Variants in SLC22A14 observed in about 807,000 individuals in gnomAD.
The protein encoded by SLC22A14 is organic cation transporter-like 4.
Under a neutral mutation model 53.9 loss-of-function variants are expected in SLC22A14, and 50 were observed. The observed-to-expected ratio is 0.93, with a 90% CI of 0.74 to 1.17. The LOEUF (loss-of-function observed/expected upper bound fraction) is 1.17, where lower values mean the gene tolerates loss of function less well. Ranked by LOEUF, SLC22A14 falls within the 50% of genes most tolerant of loss-of-function variation. The pLI, the probability that SLC22A14 is intolerant of heterozygous loss-of-function variation, is 0.00. For missense variants in SLC22A14, 671 were observed against 734.7 expected (o/e 0.91, Z 1.00); for synonymous variants, 312 against 303.0 (o/e 1.03, Z -0.31).
In SLC22A14 at chr3:38,307,758, CAG is replaced by C. The variant is rs758128590; in HGVS notation, c.775+39_775+40del. ...CTCAATGGGGCAGGGCAGGGTGGCA[CAG>C]GGGCATGGCGGCATAGGCGGGTGAC... On this transcript the variant is annotated intron_variant, in intron 4 of 10. Transcript: ENST00000448498. This position sits in a 1 kb window ranked among gnomAD's most constrained non-coding sequence, Gnocchi z 4.4. 26 of 1,610,012 alleles carry C rather than the reference CAG, an allele frequency of 1.6e-5. No homozygotes were observed. In the Admixed American group the frequency reaches 2.3e-4, roughly 14 times the overall value.
intron 8 of SLC22A14, among the ~76,000 whole-genome samples, chr3:38,314,347 C>T (rs1213485615): frequency 1.3e-5 from 2 of 152,208 alleles, no homozygotes; most frequent in Non-Finnish European, 2.9e-5. Context: ...CCTGTTGTTC[C>T]CTGTAGCTTC....
intron 4 of SLC22A14, 72 bp from the exon 5 acceptor site, chr3:38,308,882 C>G: frequency 7.0e-7 from 1 of 1,431,700 alleles, no homozygotes; most frequent in South Asian, 1.2e-5. Flanking sequence ...GGACACCCAG[C>G]AAGGCTGGAT....
intron 1 of SLC22A14, among the ~76,000 whole-genome samples, chr3:38,287,529 C>T (rs1703819320): frequency 6.6e-6 from 1 of 152,156 alleles, no homozygotes; most frequent in South Asian, 2.1e-4. Context: ...ACTCCCCTCT[C>T]AGATATCAAA....
intron 4 of SLC22A14, among the ~76,000 whole-genome samples, chr3:38,308,697 T>A (rs1401938356): frequency 6.6e-6 from 1 of 152,236 alleles, no homozygotes; most frequent in African/African-American, 2.4e-5. Flanking sequence ...ACAGGGGATG[T>A]GCAGAGGGAG....
chr3:38,308,115 C>CAAAAAAAAAAAAAAAAAAA (rs11388521), intron 4 of SLC22A14: 1 of 138,598 alleles, frequency 7.2e-6, no homozygotes, highest in African/African-American at 2.7e-5. Flanking sequence ...AAAGGCCAGG[C>CAAAAAAAAAAAAAAAAAAA]AAAAGAAAAA....
chr3:38,311,327 G>C (rs1321130827), intron 5 of SLC22A14, among the ~76,000 whole-genome samples: 1 of 152,194 alleles, frequency 6.6e-6, no homozygotes, highest in African/African-American at 2.4e-5. Context: ...GATCTCTAAT[G>C]TATCTTTGGG....
At chr3:38,286,732 T>TTTTG (rs374177465) in intron 1 of SLC22A14, among the ~76,000 whole-genome samples, 3 of 150,074 alleles carry the variant, frequency 2.0e-5, no homozygotes, top group Middle Eastern at 3.3e-3. Context: ...TGGGTTTTTT[T>TTTTG]TTTGTTTGTT....
chr3:38,282,019 C>A (rs567199924), upstream of SLC22A14, among the ~76,000 whole-genome samples: 149 of 152,244 alleles, frequency 9.8e-4, no homozygotes, highest in African/African-American at 3.4e-3. Context: ...CAGCTGTGGG[C>A]TCAGGAAGGC....
At chr3:38,283,141 A>C (rs1466551682) in intron 1 of SLC22A14, among the ~76,000 whole-genome samples, 2 of 152,064 alleles carry the variant, frequency 1.3e-5, no homozygotes, top group African/African-American at 2.4e-5. Flanking sequence ...CGGCTGCCCA[A>C]ATCTTTATCA....
intron 9 of SLC22A14, 101 bp from the exon 10 acceptor site, chr3:38,316,223 A>G: frequency 1.0e-6 from 1 of 978,024 alleles, no homozygotes; most frequent in Non-Finnish European, 1.6e-6. Context: ...AGGATGGGAC[A>G]GGGTGGAGAC....
At chr3:38,303,746 T>C (rs1367557944) in intron 1 of SLC22A14, 1 of 152,112 alleles carries the variant, frequency 6.6e-6, no homozygotes, top group Non-Finnish European at 1.5e-5. Context: ...CAGAGATCAT[T>C]TTCCTTCTTA....
intron 1 of SLC22A14, among the ~76,000 whole-genome samples, chr3:38,301,199 G>A (rs1160188661): frequency 6.6e-6 from 1 of 152,196 alleles, no homozygotes; most frequent in Admixed American, 6.5e-5. Context: ...CACTCAAGCA[G>A]TCCTTTCTGA....
At chr3:38,310,351 C>T (rs1295769276) in intron 5 of SLC22A14, among the ~76,000 whole-genome samples, 3 of 152,164 alleles carry the variant, frequency 2.0e-5, no homozygotes, top group African/African-American at 7.2e-5. Flanking sequence ...GCACTCCAGC[C>T]TGGGCAAAAG....
At chr3:38,295,735 T>C (rs1224611303) in intron 1 of SLC22A14, among the ~76,000 whole-genome samples, 4 of 150,476 alleles carry the variant, frequency 2.7e-5, no homozygotes, top group Non-Finnish European at 4.4e-5. Flanking sequence ...CTTTCTCCTC[T>C]CTGTCTCTCT....
At chr3:38,317,673 C>T (rs1427438659) in intron 10 of SLC22A14, among the ~76,000 whole-genome samples, 1 of 152,164 alleles carries the variant, frequency 6.6e-6, no homozygotes, top group African/African-American at 2.4e-5. Context: ...TCTTCATTTG[C>T]AAAGTGGAAT....
At chr3:38,290,072 G>A (rs1421540942) in intron 1 of SLC22A14, among the ~76,000 whole-genome samples, 1 of 152,162 alleles carries the variant, frequency 6.6e-6, no homozygotes. Context: ...TTAGTCGGGT[G>A]TGAGCTAAGT....
At chr3:38,288,400 T>C (rs151628) in intron 1 of SLC22A14, among the ~76,000 whole-genome samples, 1 of 152,244 alleles carries the variant, frequency 6.6e-6, no homozygotes, top group Non-Finnish European at 1.5e-5. Flanking sequence ...AACATGGGTG[T>C]ACAAATCTGT....
chr3:38,292,351 G>A (rs1703931023), intron 1 of SLC22A14, among the ~76,000 whole-genome samples: 1 of 152,156 alleles, frequency 6.6e-6, no homozygotes, highest in Admixed American at 6.5e-5. Context: ...TGCAGAAAAA[G>A]GCATCCTTAA....
Position 38,290,582 on chromosome 3 carries a change from GC to G in SLC22A14, c.-1+8245del, listed in dbSNP as rs199869261. Reference sequence around the variant, plus strand: ...GCCTAGTCCAGTAAACAATAATTTGGCCATCTGATGGGTGCTATCAATGCCT... The same window carrying G: ...GCCTAGTCCAGTAAACAATAATTTGGCATCTGATGGGTGCTATCAATGCCT... On this transcript the variant is annotated intron_variant, in intron 1 of 10. Transcript: ENST00000448498. Among the ~76,000 whole-genome samples the G allele has an allele frequency of 9.2e-4, 140 of 152,288 alleles. 4 individuals carry two copies. The East Asian group carries it at 0.026, about 28-fold the overall frequency.
Sources: allele counts gnomAD v4.1 joint callset (sites outside exome capture counted in the v4.1 genomes callset), GRCh38; gene constraint gnomAD v4.1.1; non-coding constraint Gnocchi (gnomAD v3.1); transcripts MANE v1.5; gene names NCBI Gene and HGNC (gene_info 2026-07-23, HGNC 2026-07-21).